The following MBTD1 variants were observed in gnomAD, a reference collection of about 807,000 sequenced individuals.
MBTD1 encodes the protein mbt domain containing 1, also known as MBT domain-containing protein 1.
A neutral mutation model predicts 87.8 loss-of-function variants in MBTD1; 24 were observed. The ratio of observed to expected loss-of-function variants is 0.27; its 90% CI spans 0.20 to 0.38. The LOEUF (loss-of-function observed/expected upper bound fraction) is 0.38. Ranked by LOEUF, MBTD1 falls within the 10% of genes least tolerant of loss-of-function variation. The pLI, the probability that MBTD1 is intolerant of heterozygous loss-of-function variation, is 1.00. For synonymous variants in MBTD1, 237 were observed against 248.6 expected (o/e 0.95, Z 0.44); for missense variants, 436 against 760.2 (o/e 0.57, Z 5.02).
At chr17:51,207,448 G>A (rs2051914306) in intron 6 of MBTD1, among the ~76,000 whole-genome samples, 1 of 152,100 alleles carries the variant, frequency 6.6e-6, no homozygotes, top group Non-Finnish European at 1.5e-5. Flanking sequence ...ATGAATAAGA[G>A]AAATGAAAAT....
chr17:51,201,037 C>A, intron 12 of MBTD1, among the ~76,000 whole-genome samples: 1 of 151,980 alleles, frequency 6.6e-6, no homozygotes, highest in East Asian at 1.9e-4. Context: ...CCTGTGATCC[C>A]AGCCACTCTG....
intron 12 of MBTD1, among the ~76,000 whole-genome samples, chr17:51,197,487 T>A (rs1177753490): frequency 6.6e-6 from 1 of 151,896 alleles, no homozygotes; most frequent in African/African-American, 2.4e-5. Flanking sequence ...ACTGAGTCTC[T>A]GCTACTTGCT....
Position 51,179,500 on chromosome 17 carries a change from A to ATATATATATATATT in MBTD1, c.*1075_*1076insAATATATATATATA, listed in dbSNP as rs2050215721. Reference sequence around the variant, plus strand: ...AAGACAATTTTATATATATATATATATATATATATATATATATATATATAT... The same window carrying ATATATATATATATT: ...AAGACAATTTTATATATATATATATATATATATATATATTTATATATATATATATATATATATAT... On this transcript the variant is annotated 3_prime_UTR_variant, in exon 17 of 17. Coordinates refer to ENST00000586178, the MANE Select transcript of MBTD1 (RefSeq NM_017643.3). 2 of 58,526 alleles carry ATATATATATATATT rather than the reference A, an allele frequency of 3.4e-5. No homozygotes were observed. Among genetic ancestry groups the ATATATATATATATT allele is most frequent in the South Asian group, 4.8e-4 (1 of 2,084 alleles). 3.6% of individuals were successfully genotyped at this position (58,526 alleles called of 1,614,324 possible). A position where few individuals can be genotyped will look rare whatever the true frequency, so the allele number is the denominator to read the frequency against.
At chr17:51,199,355 G>A (rs958025471) in intron 12 of MBTD1, among the ~76,000 whole-genome samples, 1 of 151,538 alleles carries the variant, frequency 6.6e-6, no homozygotes, top group Admixed American at 6.6e-5. Context: ...GGAATTACAG[G>A]TGTGAGCCAC....
upstream of MBTD1, chr17:51,260,955 G>T: frequency 6.8e-7 from 1 of 1,467,986 alleles, no homozygotes; most frequent in Non-Finnish European, 9.0e-7. Flanking sequence ...CGCGGGCTGG[G>T]CGCACTCGGG....
At chr17:51,195,048 G>A (rs1014152819) in intron 13 of MBTD1, among the ~76,000 whole-genome samples, 166 bp downstream of exon 13, 2 of 152,102 alleles carry the variant, frequency 1.3e-5, no homozygotes, top group African/African-American at 4.8e-5. Context: ...CTAGAATACA[G>A]TACTTTATAT....
At chr17:51,198,000 T>C (rs1253849087) in intron 12 of MBTD1, among the ~76,000 whole-genome samples, 4 of 152,138 alleles carry the variant, frequency 2.6e-5, no homozygotes, top group Non-Finnish European at 4.4e-5. Flanking sequence ...AATGATGAGC[T>C]TCTACACCAG....
intron 16 of MBTD1, among the ~76,000 whole-genome samples, chr17:51,186,657 C>G (rs929046379): frequency 2.6e-5 from 4 of 151,990 alleles, no homozygotes; most frequent in Non-Finnish European, 4.4e-5. Context: ...GCCTGTGGTC[C>G]CAGCTACTCG....
intron 2 of MBTD1, among the ~76,000 whole-genome samples, chr17:51,225,579 A>G (rs1000365036): frequency 2.0e-5 from 3 of 150,602 alleles, no homozygotes; most frequent in African/African-American, 7.4e-5. Context: ...CTGGTCTTTA[A>G]TTCCTCGTCT....
rs1193533586 is a variant in MBTD1, at chr17:51,204,146, G to A, written c.605-221C>T. Among the ~76,000 whole-genome samples, 3 of 152,196 alleles carry A rather than the reference G, an allele frequency of 2.0e-5. No homozygotes were observed. The East Asian group carries it at 5.8e-4, about 29-fold the overall frequency. On this transcript the variant is annotated intron_variant, in intron 7 of 16. Coordinates refer to ENST00000586178, the MANE Select transcript of MBTD1 (RefSeq NM_017643.3). ...TTTTAACAAGTCCTCAGGTGATGCT[G>A]TTGCTGCTGGTCTATGAACCAAACT...
In MBTD1 at chr17:51,200,276, A is replaced by G. The variant is rs567168873; in HGVS notation, c.1224+1316T>C. ...CACCTGAGACCTTAAAAAAATGCCA[A>G]TGTTAGCCAGGCAGGTGGCTCCTGC... On this transcript the variant is annotated intron_variant, in intron 12 of 16. Transcript: ENST00000586178. 9.6e-4 allele frequency among the ~76,000 whole-genome samples: 146 copies of G among 152,210 alleles called. 2 individuals are homozygous for G. Among genetic ancestry groups the G allele is most frequent in the African/African-American group, 3.3e-3 (135 of 41,532 alleles).
At chr17:51,259,649 G>A (rs1239625168) in intron 1 of MBTD1, among the ~76,000 whole-genome samples, 186 bp downstream of exon 1, 2 of 150,116 alleles carry the variant, frequency 1.3e-5, no homozygotes, top group Non-Finnish European at 3.0e-5. Flanking sequence ...GACGGGGTGG[G>A]GGGAGGGGAA....
In MBTD1 at chr17:51,197,650, G is replaced by A. The variant is rs367616919; in HGVS notation, c.1225-2289C>T. Reference sequence around the variant, plus strand: ...GCCTCCTGGATAGCTGGGTCTATAGGTGTGCCACCACACTCAGCTAATTTT... The same window carrying A: ...GCCTCCTGGATAGCTGGGTCTATAGATGTGCCACCACACTCAGCTAATTTT... On this transcript the variant is annotated intron_variant, in intron 12 of 16. Transcript: ENST00000586178. 9.9e-5 allele frequency among the ~76,000 whole-genome samples: 15 copies of A among 151,846 alleles called. No homozygotes were observed. The East Asian group carries it at 2.5e-3, about 26-fold the overall frequency.
upstream of MBTD1, chr17:51,260,903 C>T (rs535265870): frequency 6.7e-5 from 107 of 1,590,734 alleles, no homozygotes; most frequent in East Asian, 2.1e-3. Flanking sequence ...GGACGCGTTG[C>T]TGCGGCGTCT....
chr17:51,195,831 T>C (rs542109561), intron 12 of MBTD1, among the ~76,000 whole-genome samples: 1 of 152,360 alleles, frequency 6.6e-6, no homozygotes, highest in South Asian at 2.1e-4. Flanking sequence ...TACTCCTCTA[T>C]GGCAGATGCT....
intron 1 of MBTD1, among the ~76,000 whole-genome samples, chr17:51,259,477 A>C (rs1568255367): frequency 6.6e-6 from 1 of 150,570 alleles, no homozygotes. Flanking sequence ...GGACTACTCC[A>C]CTCTCCCACC....
At chr17:51,193,063 T>G (rs1450014249) in intron 14 of MBTD1, 47 bp from the exon 15 acceptor site, 1 of 1,308,788 alleles carries the variant, frequency 7.6e-7, no homozygotes, top group Admixed American at 1.7e-5. Flanking sequence ...GAAGAAAGAA[T>G]GCACAACCCT....
chr17:51,192,582 T>C (rs1007858224), intron 15 of MBTD1, 200 bp downstream of exon 15: 66 of 879,722 alleles, frequency 7.5e-5, no homozygotes, highest in Admixed American at 2.4e-4. Flanking sequence ...CATTATGTAA[T>C]TGACTATTGG....
intron 12 of MBTD1, among the ~76,000 whole-genome samples, chr17:51,195,838 T>C (rs1008441996): frequency 6.6e-6 from 1 of 152,252 alleles, no homozygotes. Flanking sequence ...CTATGGCAGA[T>C]GCTAAGGCTG....
Sources: gnomAD v4.1 joint callset for allele counts (sites outside exome capture counted in the v4.1 genomes callset) on GRCh38, gnomAD v4.1.1 for gene constraint, MANE v1.5 for transcripts, NCBI Gene and HGNC (gene_info 2026-07-23, HGNC 2026-07-21) for gene names.